Variants in SPRED2 observed in about 807,000 individuals in gnomAD.
SPRED2 encodes sprouty related EVH1 domain containing 2, also known as sprouty-related, EVH1 domain-containing protein 2.
A neutral mutation model predicts 43.0 loss-of-function variants in SPRED2; 47 were observed. That is an observed-to-expected ratio of 1.09 (90% CI 0.87 to 1.40). The LOEUF is 1.40. Ranked by LOEUF, SPRED2 falls within the 40% of genes most tolerant of loss-of-function variation. The pLI, the probability that SPRED2 is intolerant of heterozygous loss-of-function variation, is 0.00. For missense variants in SPRED2, 561 were observed against 586.4 expected (o/e 0.96, Z 0.45); for synonymous variants, 225 against 225.7 (o/e 1.00, Z 0.03).
In SPRED2 at chr2:65,432,148, C is replaced by G; in HGVS notation, c.-161G>C. The G allele has an allele frequency of 2.3e-6, 2 of 876,838 alleles. No individual in the cohort carries two copies. The highest frequency in any genetic ancestry group is 5.3e-5 in the East Asian group (2 of 37,510). The allele number at this position is 876,838 out of a possible 1,614,324, so 54.3% of individuals were successfully genotyped here. ...CGCCGCAGCAGAAGGGGAAGCAGGG[C>G]GCGGGATAGGGTTTGGGGGAAGGGG... On this transcript the variant is annotated 5_prime_UTR_variant, in exon 1 of 6. Coordinates refer to ENST00000356388, the MANE Select transcript of SPRED2 (RefSeq NM_181784.3).
intron 1 of SPRED2, among the ~76,000 whole-genome samples, chr2:65,368,600 T>G (rs1377565442): frequency 1.3e-5 from 2 of 152,188 alleles, no homozygotes; most frequent in Non-Finnish European, 2.9e-5. Context: ...TAATAATGTG[T>G]GCACACATGC....
At chr2:65,348,242 C>A (rs1274204437) in intron 1 of SPRED2, among the ~76,000 whole-genome samples, 1 of 152,184 alleles carries the variant, frequency 6.6e-6, no homozygotes, top group Non-Finnish European at 1.5e-5. Context: ...TCAGAGAGGA[C>A]TTCCCTGCCC....
chr2:65,431,164 G>A (rs1300385390), intron 1 of SPRED2, among the ~76,000 whole-genome samples: 4 of 151,564 alleles, frequency 2.6e-5, no homozygotes, highest in Non-Finnish European at 5.9e-5. Flanking sequence ...TTCCCCTCGG[G>A]CCCGCGGGCC....
chr2:65,399,632 C>T (rs1675837278), intron 1 of SPRED2, among the ~76,000 whole-genome samples: 2 of 152,058 alleles, frequency 1.3e-5, no homozygotes, highest in Non-Finnish European at 2.9e-5. Context: ...CTGCCTGCCT[C>T]GGCCTCCCAA....
At chr2:65,343,411 CTG>C (rs1047688481) in intron 2 of SPRED2, among the ~76,000 whole-genome samples, 2 of 152,172 alleles carry the variant, frequency 1.3e-5, no homozygotes, top group African/African-American at 4.8e-5. Flanking sequence ...ACAAATTGTT[CTG>C]TCTTATCTAT....
chr2:65,348,302 C>T (rs992564965), intron 1 of SPRED2, among the ~76,000 whole-genome samples: 2 of 152,162 alleles, frequency 1.3e-5, no homozygotes, highest in African/African-American at 4.8e-5. Flanking sequence ...AATCTTCTCC[C>T]CTCTGCTTTG....
At chr2:65,431,782 G>GT (rs1355848770) in intron 1 of SPRED2, among the ~76,000 whole-genome samples, 180 bp downstream of exon 1, 5 of 152,318 alleles carry the variant, frequency 3.3e-5, no homozygotes, top group African/African-American at 1.2e-4. Flanking sequence ...GCCCGCAGCA[G>GT]TTTTTGCCCT....
intron 1 of SPRED2, among the ~76,000 whole-genome samples, chr2:65,350,645 C>A (rs945974097): frequency 6.6e-6 from 1 of 152,098 alleles, no homozygotes; most frequent in African/African-American, 2.4e-5. Context: ...CGGGATCACG[C>A]AATATGCAAA....
intron 1 of SPRED2, among the ~76,000 whole-genome samples, chr2:65,430,570 A>G (rs1183345434): frequency 2.0e-5 from 3 of 152,182 alleles, no homozygotes; most frequent in Non-Finnish European, 1.5e-5. Flanking sequence ...CCCAGCCCTG[A>G]GTCACTTCCC....
At chr2:65,318,160 C>CT (rs955490543) in intron 4 of SPRED2, among the ~76,000 whole-genome samples, 48 of 152,236 alleles carry the variant, frequency 3.2e-4, no homozygotes, top group South Asian at 2.1e-3. Flanking sequence ...TGCACAAGCT[C>CT]TTTTTTTGCC....
chr2:65,360,665 G>A (rs1435710106), intron 1 of SPRED2, among the ~76,000 whole-genome samples: 2 of 152,348 alleles, frequency 1.3e-5, no homozygotes, highest in South Asian at 2.1e-4. Flanking sequence ...GGTTGCCAGA[G>A]GCGGGGGGCT....
chr2:65,368,977 A>G (rs1468202033), intron 1 of SPRED2, among the ~76,000 whole-genome samples: 1 of 152,168 alleles, frequency 6.6e-6, no homozygotes, highest in East Asian at 1.9e-4. Context: ...CAGAAAGCTG[A>G]GGCAGGAGGA....
chr2:65,349,308 C>CAAAAAAAAAAAAAAAAAAAAAA (rs59019958), intron 1 of SPRED2, among the ~76,000 whole-genome samples: 1 of 83,704 alleles, frequency 1.2e-5, no homozygotes, highest in Non-Finnish European at 2.3e-5. Context: ...GACTCTGTCT[C>CAAAAAAAAAAAAAAAAAAAAAA]AAAAAAAAAA....
intron 1 of SPRED2, among the ~76,000 whole-genome samples, chr2:65,414,029 C>T (rs34276619): frequency 0.12 from 18,405 of 152,192 alleles, 1,683 homozygotes; most frequent in Non-Finnish European, 0.17. Flanking sequence ...TAGGGATATA[C>T]CGTCCCAGAA....
intron 4 of SPRED2, among the ~76,000 whole-genome samples, chr2:65,318,631 T>C (rs1673316111): frequency 6.6e-6 from 1 of 152,050 alleles, no homozygotes; most frequent in Non-Finnish European, 1.5e-5. Flanking sequence ...CTTACTTGTA[T>C]ATTCCCCTCA....
At chr2:65,401,693 G>A (rs914495926) in intron 1 of SPRED2, among the ~76,000 whole-genome samples, 1 of 151,866 alleles carries the variant, frequency 6.6e-6, no homozygotes, top group Non-Finnish European at 1.5e-5. Flanking sequence ...CCAGCCACTC[G>A]GGAGGCTGAG....
chr2:65,334,548 A>T (rs1673906644), intron 3 of SPRED2, 57 bp downstream of exon 3: 1 of 1,583,948 alleles, frequency 6.3e-7, no homozygotes, highest in Non-Finnish European at 8.6e-7. Flanking sequence ...ATTGGAATTA[A>T]AAATAATTTG....
intron 1 of SPRED2, among the ~76,000 whole-genome samples, chr2:65,356,159 G>C (rs905260880): frequency 2.0e-5 from 3 of 152,158 alleles, no homozygotes; most frequent in Non-Finnish European, 4.4e-5. Context: ...AACAAAGGAA[G>C]GGAGTATGTA....
intron 1 of SPRED2, among the ~76,000 whole-genome samples, chr2:65,349,088 C>A (rs1674432430): frequency 6.6e-6 from 1 of 152,210 alleles, no homozygotes; most frequent in East Asian, 1.9e-4. Context: ...GCGGCCGGAT[C>A]ATGAGGTCAA....
Sources: allele counts gnomAD v4.1 joint callset (sites outside exome capture counted in the v4.1 genomes callset), GRCh38; gene constraint gnomAD v4.1.1; transcripts MANE v1.5; gene names NCBI Gene and HGNC (gene_info 2026-07-23, HGNC 2026-07-21).